Variants in GADL1 observed in about 807,000 individuals in gnomAD.
The protein encoded by GADL1 is GAD like acidic amino acid decarboxylase 1, also known as acidic amino acid decarboxylase GADL1.
GADL1 carries 71 observed loss-of-function variants against 69.5 expected under a neutral mutation model. The ratio of observed to expected loss-of-function variants is 1.02; its 90% CI spans 0.84 to 1.25. The LOEUF is 1.25. Ranked by LOEUF, GADL1 falls within the 50% of genes most tolerant of loss-of-function variation. GADL1 has a pLI of 0.00. For missense variants in GADL1, 737 were observed against 631.8 expected, an observed-to-expected ratio of 1.17 and a Z score of -1.79; for synonymous variants, 254 against 214.4, an observed-to-expected ratio of 1.18 and a Z score of -1.62.
At chr3:30,734,287 G>A (rs17026459) in intron 14 of GADL1, among the ~76,000 whole-genome samples, 13,927 of 152,068 alleles carry the variant, frequency 0.092, 1,759 homozygotes, top group African/African-American at 0.28. Context: ...TCTGTTTCTG[G>A]TGATGAAAGA....
At chr3:30,807,485 A>G (rs1697274984) in intron 11 of GADL1, among the ~76,000 whole-genome samples, 1 of 152,228 alleles carries the variant, frequency 6.6e-6, no homozygotes. Flanking sequence ...TTAAGCTCCC[A>G]TACTTGATGT....
chr3:30,778,073 C>A, intron 14 of GADL1, 106 bp downstream of exon 14: 1 of 668,180 alleles, frequency 1.5e-6, no homozygotes, highest in East Asian at 2.6e-5. Context: ...AGACACTTCT[C>A]TAGATAATTC....
At chr3:30,800,050 C>T (rs1420397463) in intron 12 of GADL1, 4 of 152,838 alleles carry the variant, frequency 2.6e-5, no homozygotes, top group Non-Finnish European at 5.8e-5. Context: ...ACTATTTCAA[C>T]CTCTGCCTGT....
intron 11 of GADL1, among the ~76,000 whole-genome samples, chr3:30,814,824 C>CA (rs1227763102): frequency 6.6e-6 from 1 of 152,038 alleles, no homozygotes; most frequent in African/African-American, 2.4e-5. Flanking sequence ...ATTAGCTGGG[C>CA]ATGGTGGTGG....
At chr3:30,802,801 G>A (rs1349069910) in intron 11 of GADL1, among the ~76,000 whole-genome samples, 1 of 152,126 alleles carries the variant, frequency 6.6e-6, no homozygotes, top group African/African-American at 2.4e-5. Flanking sequence ...ACAATAAACT[G>A]AGTATAAAAC....
At chr3:30,811,046 C>A (rs1288659063) in intron 11 of GADL1, among the ~76,000 whole-genome samples, 4 of 152,138 alleles carry the variant, frequency 2.6e-5, no homozygotes, top group African/African-American at 4.8e-5. Flanking sequence ...ATCAAGACTC[C>A]CCTTCCCCTT....
chr3:30,887,578 C>T (rs991802468), intron 1 of GADL1, among the ~76,000 whole-genome samples: 35 of 152,016 alleles, frequency 2.3e-4, no homozygotes, highest in Admixed American at 2.6e-4. Context: ...GACTTCCCAG[C>T]CTCCAGAACT....
At chr3:30,828,419 A>T (rs558155008) in intron 11 of GADL1, among the ~76,000 whole-genome samples, 1 of 140,560 alleles carries the variant, frequency 7.1e-6, no homozygotes, top group East Asian at 2.3e-4. Flanking sequence ...ATCCTCAATA[A>T]CTATGTGTTG....
rs1698137641 is a variant in GADL1, at chr3:30,850,957, A to G, written c.429-16T>C. 4.3e-6 allele frequency: 6 copies of G among 1,387,282 alleles called. No individual in the cohort carries two copies. Among genetic ancestry groups the G allele is most frequent in the Non-Finnish European group, 6.0e-6 (6 of 998,950 alleles). 85.9% of individuals were successfully genotyped at this position (1,387,282 alleles called of 1,614,324 possible). On this transcript the variant is annotated splice_polypyrimidine_tract_variant and intron_variant, in intron 4 of 14. Transcript: ENST00000282538. ...ATACGTATAACTAGATAGATATAAA[A>G]AACACTTCACTTCTATGACTAGAGT...
At chr3:30,805,734 C>CTTTTTTTTTTTTTTTTTTTTTTTTTTTTT (rs34788058) in intron 11 of GADL1, among the ~76,000 whole-genome samples, 20 of 66,092 alleles carry the variant, frequency 3.0e-4, no homozygotes, top group African/African-American at 1.3e-3. Flanking sequence ...AGTCCCCAGC[C>CTTTTTTTTTTTTTTTTTTTTTTTTTTTTT]TTTTTTTTTT....
In GADL1 at chr3:30,786,348, CACTT is replaced by C. The variant is rs773543887; in HGVS notation, c.1302+3_1302+6del. Reference sequence around the variant, plus strand: ...AAAATCACAAGCACAATTATGCAATCACTTACTTCCATCAGTAACTTGAATCCTT... The same window carrying C: ...AAAATCACAAGCACAATTATGCAATCACTTCCATCAGTAACTTGAATCCTT... On this transcript the variant is annotated splice_donor_5th_base_variant and intron_variant, in intron 13 of 14. Coordinates refer to ENST00000282538, the MANE Select transcript of GADL1 (RefSeq NM_207359.3). 4.6e-5 allele frequency: 71 copies of C among 1,542,698 alleles called. No individual in the cohort carries two copies. Among genetic ancestry groups the C allele is most frequent in the Admixed American group, 6.7e-5 (4 of 59,818 alleles).
chr3:30,754,728 T>C (rs149439821), intron 14 of GADL1, among the ~76,000 whole-genome samples: 28 of 152,260 alleles, frequency 1.8e-4, no homozygotes, highest in Non-Finnish European at 3.5e-4. Context: ...ACAGAGCAAA[T>C]TAAGCAGTGA....
At chr3:30,785,348 T>C (rs1008680268) in intron 13 of GADL1, among the ~76,000 whole-genome samples, 3 of 151,778 alleles carry the variant, frequency 2.0e-5, no homozygotes, top group African/African-American at 2.4e-5. Context: ...ATGCATCTTA[T>C]TGAATAAATA....
intron 1 of GADL1, among the ~76,000 whole-genome samples, chr3:30,888,052 C>T (rs977796977): frequency 4.7e-5 from 7 of 149,608 alleles, no homozygotes; most frequent in Non-Finnish European, 1.5e-5. Flanking sequence ...TTATTTATAA[C>T]ACCTAATACG....
intron 12 of GADL1, among the ~76,000 whole-genome samples, chr3:30,792,102 G>A (rs1696933759): frequency 1.3e-5 from 2 of 152,284 alleles, no homozygotes; most frequent in South Asian, 2.1e-4. Flanking sequence ...GAAAGTAGAG[G>A]TGATTTTGAG....
At position 30,871,231 on chromosome 3, in the gene GADL1, G is replaced by A. The variant is rs377747470; in HGVS notation, c.38-9466C>T. On this transcript the variant is annotated intron_variant, in intron 1 of 14. Coordinates refer to ENST00000282538, the MANE Select transcript of GADL1 (RefSeq NM_207359.3). ...GTTACTTACTGAGTGGGCAATAGGA[G>A]GCCACTGAAAGCTGTTGATGGGATA... Among the ~76,000 whole-genome samples, 9 of 151,652 alleles carry A rather than the reference G, an allele frequency of 5.9e-5. No homozygotes were observed. In the East Asian group the frequency reaches 7.8e-4, roughly 13 times the overall value.
chr3:30,799,090 G>A (rs1575210977), intron 12 of GADL1: 1 of 152,308 alleles, frequency 6.6e-6, no homozygotes, highest in South Asian at 2.1e-4. Flanking sequence ...CCATTCTGGG[G>A]TCTGGAAGAT....
At chr3:30,751,578 C>CT (rs1400712321) in intron 14 of GADL1, among the ~76,000 whole-genome samples, 2 of 151,560 alleles carry the variant, frequency 1.3e-5, no homozygotes, top group South Asian at 2.1e-4. Flanking sequence ...AAAAGGCTTT[C>CT]TAGAACTTGA....
chr3:30,844,117 A>T (rs1698014592), intron 8 of GADL1, 93 bp downstream of exon 8: 4 of 935,842 alleles, frequency 4.3e-6, no homozygotes, highest in Non-Finnish European at 6.6e-6. Context: ...GGCTGTTTGC[A>T]TTCTCTCCTT....
Sources: gnomAD v4.1 joint callset for allele counts (sites outside exome capture counted in the v4.1 genomes callset) on GRCh38, gnomAD v4.1.1 for gene constraint, MANE v1.5 for transcripts, NCBI Gene and HGNC (gene_info 2026-07-23, HGNC 2026-07-21) for gene names.